Variants in ATP11A observed in about 807,000 individuals in gnomAD.
ATP11A encodes phospholipid-transporting ATPase IH.
Under a neutral mutation model 154.4 loss-of-function variants are expected in ATP11A, and 81 were observed. That is an observed-to-expected ratio of 0.52 (90% CI 0.44 to 0.63). ATP11A has a LOEUF of 0.63. Ranked by LOEUF, ATP11A falls within the 30% of genes least tolerant of loss-of-function variation. The pLI, the probability that ATP11A is intolerant of heterozygous loss-of-function variation, is 0.00. For missense variants in ATP11A, 1,316 were observed against 1,474.3 expected, an observed-to-expected ratio of 0.89 and a Z score of 1.76; for synonymous variants, 623 against 585.9, an observed-to-expected ratio of 1.06 and a Z score of -0.91.
At chr13:112,846,483 C>A (rs922860966) in intron 17 of ATP11A, among the ~76,000 whole-genome samples, 2 of 152,196 alleles carry the variant, frequency 1.3e-5, no homozygotes, top group Admixed American at 1.3e-4. Flanking sequence ...GTTTTGTATC[C>A]TCATGCCCCT....
rs28450734 is a variant in ATP11A at position 112,746,438 on chromosome 13, C to T, written c.40-38697C>T. The T allele has an allele frequency of 7.8e-6, 1 of 128,262 alleles. No homozygotes were observed. The highest frequency in any genetic ancestry group is 2.1e-4 in the East Asian group (1 of 4,868). The allele number at this position is 128,262 out of a possible 1,614,324, so 7.9% of individuals were successfully genotyped here. A position where few individuals can be genotyped will look rare whatever the true frequency, so the allele number is the denominator to read the frequency against. On this transcript the variant is annotated intron_variant, in intron 1 of 29. Coordinates refer to ENST00000375645, the MANE Select transcript of ATP11A (RefSeq NM_015205.3). This position sits in a 1 kb window ranked among gnomAD's most constrained non-coding sequence, Gnocchi z 4.1. Reference sequence around the variant, plus strand: ...TGGGGTTCCGGCTCCCCGCGTCCTCCCCGGGTAACTGGGGCTCTGGTTCCC... The same window carrying T: ...TGGGGTTCCGGCTCCCCGCGTCCTCTCCGGGTAACTGGGGCTCTGGTTCCC...
intron 1 of ATP11A, among the ~76,000 whole-genome samples, chr13:112,693,450 T>C (rs941561736): frequency 6.6e-6 from 1 of 151,032 alleles, no homozygotes; most frequent in African/African-American, 2.4e-5. Context: ...TGGGGTGATG[T>C]ATGAGCTGTG....
chr13:112,849,380 T>G (rs2079698578), intron 17 of ATP11A, among the ~76,000 whole-genome samples: 2 of 152,248 alleles, frequency 1.3e-5, no homozygotes, highest in South Asian at 4.1e-4. Context: ...GAGAAAAGTA[T>G]TTCTGTTCTG....
chr13:112,794,741 G>A (rs961488243), intron 2 of ATP11A, among the ~76,000 whole-genome samples: 4 of 152,086 alleles, frequency 2.6e-5, no homozygotes, highest in South Asian at 2.1e-4. Context: ...GGTGGCGGGC[G>A]CCTGTATTTC....
chr13:112,831,700 GTGTCCCGTTA>G, intron 13 of ATP11A, 152 bp downstream of exon 13: 1 of 906,140 alleles, frequency 1.1e-6, no homozygotes, highest in Non-Finnish European at 1.7e-6. Flanking sequence ...GATGTGTGTG[GTGTCCCGTTA>G]GGACACATCT....
intron 18 of ATP11A, 81 bp from the exon 19 acceptor site, chr13:112,854,198 C>T: frequency 1.3e-6 from 2 of 1,532,886 alleles, no homozygotes; most frequent in East Asian, 2.3e-5. Context: ...GACAGCTTTG[C>T]AAGTTTCTGC....
At chr13:112,695,807 T>TA (rs1885733559) in intron 1 of ATP11A, among the ~76,000 whole-genome samples, 1 of 152,234 alleles carries the variant, frequency 6.6e-6, no homozygotes, top group African/African-American at 2.4e-5. Context: ...ACAGGGTTAA[T>TA]AAAAGATTCT....
intron 12 of ATP11A, among the ~76,000 whole-genome samples, chr13:112,828,122 C>CCCAGCGGTGTTGAGTGGGGGGAAAGT (rs2078983137): frequency 1.5e-5 from 1 of 67,536 alleles, no homozygotes; most frequent in Non-Finnish European, 2.8e-5. Flanking sequence ...TGGGGGGAAG[C>CCCAGCGGTGTTGAGTGGGGGGAAAGT]GCCCAGCAGC....
At chr13:112,763,359 A>G (rs1376274690) in intron 1 of ATP11A, among the ~76,000 whole-genome samples, 3 of 152,184 alleles carry the variant, frequency 2.0e-5, no homozygotes, top group Non-Finnish European at 4.4e-5. Flanking sequence ...TGACATTAAA[A>G]CAGAGACCTG....
chr13:112,821,604 C>A (rs1156340669), intron 8 of ATP11A, among the ~76,000 whole-genome samples: 2 of 152,164 alleles, frequency 1.3e-5, no homozygotes, highest in Non-Finnish European at 2.9e-5. Context: ...AGCCACCGCG[C>A]CTGGCCTAGT....
intron 1 of ATP11A, among the ~76,000 whole-genome samples, chr13:112,759,390 A>G (rs2076915195): frequency 6.6e-6 from 1 of 152,204 alleles, no homozygotes; most frequent in Admixed American, 6.5e-5. Flanking sequence ...TCTGACCGTC[A>G]TGACGGTGGG....
intron 2 of ATP11A, among the ~76,000 whole-genome samples, chr13:112,796,154 C>T (rs1223330427): frequency 6.6e-6 from 1 of 152,112 alleles, no homozygotes; most frequent in Non-Finnish European, 1.5e-5. Flanking sequence ...AAGAGCTAGC[C>T]ATGTGTTCTC....
rs373144961 is a variant in ATP11A, at chr13:112,819,355, G to A, written c.622G>A (p.Gly208Ser). The change falls in exon 7 of 30, where the codon GGC becomes AGC. Residue 208 changes from glycine to serine, a missense_variant. By Grantham distance (56) the Gly-to-Ser change is moderately conservative (BLOSUM62 0). Coordinates refer to ENST00000375645, the MANE Select transcript of ATP11A (RefSeq NM_015205.3). ...TKGFHTEEDI[G>S]GLHATIECEQ... ...AGGCTTCCACACAGAGGAGGATATCGGCGGACTTCACGCCACCATCGAGTG... is the reference window on the plus strand; with the variant it reads ...AGGCTTCCACACAGAGGAGGATATCAGCGGACTTCACGCCACCATCGAGTG... The A allele has an allele frequency of 3.0e-5, 48 of 1,614,062 alleles. No individual in the cohort carries two copies. Among genetic ancestry groups the A allele is most frequent in the South Asian group, 1.1e-4 (10 of 91,080 alleles).
chr13:112,829,240 T>C (rs1360041183), intron 12 of ATP11A, among the ~76,000 whole-genome samples: 1 of 152,142 alleles, frequency 6.6e-6, no homozygotes, highest in Non-Finnish European at 1.5e-5. Context: ...GATGGCAGCA[T>C]TGACCAGCAC....
intron 1 of ATP11A, among the ~76,000 whole-genome samples, chr13:112,780,542 G>A (rs903061774): frequency 2.0e-5 from 3 of 152,202 alleles, no homozygotes; most frequent in Admixed American, 1.3e-4. Context: ...ACGCGCGTTT[G>A]GAGGCTGCCA....
intron 1 of ATP11A, among the ~76,000 whole-genome samples, chr13:112,702,169 A>C (rs1242406209): frequency 6.6e-6 from 1 of 151,460 alleles, no homozygotes; most frequent in Non-Finnish European, 1.5e-5. Context: ...AATGTGGAGA[A>C]ATCCTGTCTC....
intron 1 of ATP11A, among the ~76,000 whole-genome samples, chr13:112,756,726 C>T (rs948437360): frequency 2.0e-5 from 3 of 152,220 alleles, no homozygotes; most frequent in African/African-American, 7.2e-5. Context: ...GGGGCACGGC[C>T]CTCTGCACCC....
intron 2 of ATP11A, among the ~76,000 whole-genome samples, chr13:112,803,315 G>A (rs895238538): frequency 3.3e-5 from 5 of 152,152 alleles, no homozygotes; most frequent in Non-Finnish European, 7.3e-5. Flanking sequence ...ACATTGAATT[G>A]TAAATAACTT....
chr13:112,737,835 G>C (rs438116), intron 1 of ATP11A, among the ~76,000 whole-genome samples: 28,295 of 151,970 alleles, frequency 0.19, 2,863 homozygotes, highest in African/African-American at 0.27. Flanking sequence ...GTGCTACAGC[G>C]GTCAGCCTGG....
Sources: allele counts gnomAD v4.1 joint callset (sites outside exome capture counted in the v4.1 genomes callset), GRCh38; gene constraint gnomAD v4.1.1; non-coding constraint Gnocchi (gnomAD v3.1); transcripts MANE v1.5; gene names NCBI Gene and HGNC (gene_info 2026-07-23, HGNC 2026-07-21).